Variants in DPP10 observed in about 807,000 individuals in gnomAD.
The protein encoded by DPP10 is dipeptidyl peptidase like 10, also known as inactive dipeptidyl peptidase 10.
A neutral mutation model predicts 120.9 loss-of-function variants in DPP10; 33 were observed. That is an observed-to-expected ratio of 0.27 (90% CI 0.21 to 0.37). The LOEUF is 0.37. Ranked by LOEUF, DPP10 falls within the 10% of genes least tolerant of loss-of-function variation. DPP10 has a pLI of 1.00. For missense variants in DPP10, 816 were observed against 942.8 expected, an observed-to-expected ratio of 0.87 and a Z score of 1.76; for synonymous variants, 337 against 326.1, an observed-to-expected ratio of 1.03 and a Z score of -0.36.
At chr2:114,876,121 A>G (rs1052876788) in intron 1 of DPP10, among the ~76,000 whole-genome samples, 4 of 152,162 alleles carry the variant, frequency 2.6e-5, no homozygotes, top group African/African-American at 7.2e-5. Context: ...AATAGAGAAT[A>G]TAGTATAATG....
In DPP10 at chr2:115,746,074, A is replaced by T. The variant is rs750450452; in HGVS notation, c.853-12A>T. 3.2e-6 allele frequency: 5 copies of T among 1,585,458 alleles called. No individual in the cohort carries two copies. Among genetic ancestry groups the T allele is most frequent in the Non-Finnish European group, 4.3e-6 (5 of 1,166,164 alleles). ...TTAATGTACTTGCAATACAACTTTC[A>T]TTTTCTCAAAGGCAGGTCAAGTGAA... On this transcript the variant is annotated splice_polypyrimidine_tract_variant and intron_variant, in intron 9 of 25. Transcript: ENST00000410059.
intron 4 of DPP10, among the ~76,000 whole-genome samples, chr2:115,518,749 G>T (rs183964393): frequency 1.2e-4 from 19 of 152,206 alleles, no homozygotes; most frequent in Non-Finnish European, 2.5e-4. Flanking sequence ...CTACTGGGCA[G>T]CTCCGGTCTA....
chr2:114,486,795 T>C (rs1681559717), intron 1 of DPP10, among the ~76,000 whole-genome samples: 1 of 152,176 alleles, frequency 6.6e-6, no homozygotes, highest in Non-Finnish European at 1.5e-5. Flanking sequence ...ATGATGCTTT[T>C]CTTCAATTAT....
intron 20 of DPP10, among the ~76,000 whole-genome samples, chr2:115,815,248 T>C (rs2150037657): frequency 6.6e-6 from 1 of 152,320 alleles, no homozygotes; most frequent in Admixed American, 6.5e-5. Flanking sequence ...ATTATACCAC[T>C]ATATTATTTG....
chr2:115,656,408 A>G (rs2088347953), intron 5 of DPP10, among the ~76,000 whole-genome samples: 1 of 151,612 alleles, frequency 6.6e-6, no homozygotes, highest in Non-Finnish European at 1.5e-5. Context: ...GAGAGATAAA[A>G]AGCTGAAGGT....
chr2:115,683,036 C>T lies in DPP10; in HGVS notation c.442-6651C>T, dbSNP rs117437468. Among the ~76,000 whole-genome samples the T allele has an allele frequency of 7.2e-4, 109 of 151,890 alleles. 4 individuals are homozygous for T. In the East Asian group the frequency reaches 0.02, roughly 27 times the overall value. On this transcript the variant is annotated intron_variant, in intron 5 of 25. Transcript: ENST00000410059. ...CAGAATGACCAAATTGGTTTTGTGA[C>T]GGTCAGTTTTGTTTTGCTTTTTAAT...
intron 1 of DPP10, among the ~76,000 whole-genome samples, chr2:114,574,432 TG>T (rs1689902666): frequency 6.6e-6 from 1 of 152,184 alleles, no homozygotes; most frequent in African/African-American, 2.4e-5. Context: ...AGCTAATGGC[TG>T]ACTTGATGGA....
At chr2:115,452,753 C>A (rs1172660272) in intron 3 of DPP10, among the ~76,000 whole-genome samples, 2 of 151,724 alleles carry the variant, frequency 1.3e-5, no homozygotes, top group Non-Finnish European at 2.9e-5. Context: ...ACATAAGAAA[C>A]CTTTTAAATA....
intron 1 of DPP10, among the ~76,000 whole-genome samples, chr2:114,697,415 A>G (rs1700129677): frequency 6.6e-6 from 1 of 152,060 alleles, no homozygotes; most frequent in South Asian, 2.1e-4. Flanking sequence ...ATGCAATAGA[A>G]GAGATCATAA....
intron 1 of DPP10, among the ~76,000 whole-genome samples, chr2:114,517,447 G>A (rs1185635155): frequency 6.6e-6 from 1 of 151,620 alleles, no homozygotes; most frequent in Non-Finnish European, 1.5e-5. Context: ...TTGAACCTGG[G>A]AGACGGAGGC....
At chr2:114,498,081 A>G (rs935695640) in intron 1 of DPP10, among the ~76,000 whole-genome samples, 1 of 152,232 alleles carries the variant, frequency 6.6e-6, no homozygotes, top group Non-Finnish European at 1.5e-5. Flanking sequence ...AAGGGGTACA[A>G]TATGATACTG....
At chr2:115,468,241 T>C (rs1214925471) in intron 3 of DPP10, 3 of 506,038 alleles carry the variant, frequency 5.9e-6, no homozygotes, top group African/African-American at 5.8e-5. Flanking sequence ...TGCTGACCGC[T>C]CGTGTCATTG....
chr2:114,905,180 A>G (rs569469240), intron 1 of DPP10, among the ~76,000 whole-genome samples: 27 of 152,176 alleles, frequency 1.8e-4, no homozygotes, highest in African/African-American at 6.3e-4. Flanking sequence ...GCATTTTAAT[A>G]CACACTTTAG....
At chr2:115,512,140 G>T (rs1301154326) in intron 4 of DPP10, among the ~76,000 whole-genome samples, 1 of 149,970 alleles carries the variant, frequency 6.7e-6, no homozygotes, top group Non-Finnish European at 1.5e-5. Flanking sequence ...TCACTCTGTT[G>T]CCCAGGCTGG....
chr2:114,674,643 T>C (rs1698556460), intron 1 of DPP10, among the ~76,000 whole-genome samples: 2 of 152,164 alleles, frequency 1.3e-5, no homozygotes, highest in South Asian at 4.1e-4. Context: ...GACCCCATCC[T>C]GGCAGGTAAT....
intron 1 of DPP10, among the ~76,000 whole-genome samples, chr2:114,688,924 A>ATG (rs1306050023): frequency 1.3e-5 from 2 of 151,390 alleles, no homozygotes; most frequent in Non-Finnish European, 1.5e-5. Flanking sequence ...AAGTGTGTGT[A>ATG]TGTGTGTATG....
chr2:115,634,754 C>T (rs1467496236), intron 5 of DPP10, among the ~76,000 whole-genome samples: 1 of 152,164 alleles, frequency 6.6e-6, no homozygotes, highest in Non-Finnish European at 1.5e-5. Context: ...AGGAGGTGCA[C>T]TGTGCTGGGA....
At chr2:115,361,413 C>T (rs796265247) in intron 3 of DPP10, among the ~76,000 whole-genome samples, 5 of 152,140 alleles carry the variant, frequency 3.3e-5, no homozygotes, top group African/African-American at 4.8e-5. Context: ...GTTGCATTGT[C>T]GGCATGCTCT....
Position 115,479,169 on chromosome 2 carries a change from G to A in DPP10, c.272-20341G>A, listed in dbSNP as rs552312468. Among the ~76,000 whole-genome samples the A allele has an allele frequency of 2.9e-4, 44 of 152,218 alleles. 1 individual carries two copies. In the South Asian group the frequency reaches 6.6e-3, roughly 23 times the overall value. Reference sequence around the variant, plus strand: ...GAAGCAACCTAAGTGTCCATTGATGGATGAGTTGGATAAACAAAATGTGGG... The same window carrying A: ...GAAGCAACCTAAGTGTCCATTGATGAATGAGTTGGATAAACAAAATGTGGG... On this transcript the variant is annotated intron_variant, in intron 3 of 25. Coordinates refer to ENST00000410059, the MANE Select transcript of DPP10 (RefSeq NM_020868.6).
Sources: gnomAD v4.1 joint callset for allele counts (sites outside exome capture counted in the v4.1 genomes callset) on GRCh38, gnomAD v4.1.1 for gene constraint, MANE v1.5 for transcripts, NCBI Gene and HGNC (gene_info 2026-07-23, HGNC 2026-07-21) for gene names.